SDC3: variants seen among roughly 807,000 people sequenced by gnomAD.
SDC3 encodes syndecan-3.
SDC3 carries 13 observed loss-of-function variants against 24.4 expected under a neutral mutation model. The observed-to-expected ratio is 0.53, with a 90% CI of 0.35 to 0.85. The LOEUF is 0.85. Among genes scored for constraint, SDC3 ranks in the 40% least tolerant of loss-of-function variants. SDC3 has a pLI of 0.01. For synonymous variants in SDC3, 295 were observed against 260.9 expected, an observed-to-expected ratio of 1.13 and a Z score of -1.26; for missense variants, 571 against 584.5, an observed-to-expected ratio of 0.98 and a Z score of 0.24.
chr1:30,893,310 C>G (rs1318302275), intron 1 of SDC3, among the ~76,000 whole-genome samples: 7 of 118,722 alleles, frequency 5.9e-5, no homozygotes, highest in Middle Eastern at 3.6e-3. Flanking sequence ...GGAGCCCCCC[C>G]CCCCCCCACC....
intron 1 of SDC3, among the ~76,000 whole-genome samples, chr1:30,888,853 G>A (rs372855881): frequency 6.6e-6 from 1 of 152,218 alleles, no homozygotes; most frequent in East Asian, 1.9e-4. Flanking sequence ...CCATCACCCA[G>A]ATGGGAAACT....
chr1:30,874,477 CTGGTTGT>C lies in SDC3; in HGVS notation c.975_981del (p.Gln326ThrfsTer7). ...ACAGCTACCACCTCATTGGCTGTGT[CTGGTTGT>C]GTGGTCTCTTCTTCTGGCAGCTCGA... On this transcript the variant is annotated frameshift_variant, in exon 4 of 5. Coordinates refer to ENST00000339394, the MANE Select transcript of SDC3 (RefSeq NM_014654.4). LOFTEE classifies it high-confidence loss of function. 1 of 1,614,164 alleles carries C rather than the reference CTGGTTGT, an allele frequency of 6.2e-7. No homozygotes were observed. The highest frequency in any genetic ancestry group is 8.5e-7 in the Non-Finnish European group (1 of 1,180,022).
At chr1:30,883,106 C>G (rs1313796200) in intron 1 of SDC3, among the ~76,000 whole-genome samples, 1 of 152,132 alleles carries the variant, frequency 6.6e-6, no homozygotes, top group Non-Finnish European at 1.5e-5. Context: ...ATGACTACAC[C>G]CAGGCAGATG....
At chr1:30,891,557 C>T (rs1193240493) in intron 1 of SDC3, among the ~76,000 whole-genome samples, 4 of 152,200 alleles carry the variant, frequency 2.6e-5, no homozygotes, top group Non-Finnish European at 2.9e-5. Context: ...GCTTTGCCTC[C>T]CAGACTCTGA....
At chr1:30,876,520 C>A in intron 3 of SDC3, 32 bp downstream of exon 3, 1 of 1,496,026 alleles carries the variant, frequency 6.7e-7, no homozygotes, top group South Asian at 1.4e-5. Context: ...CCCTCCTCCG[C>A]CCTCCTCCCT....
chr1:30,874,456 C>T lies in SDC3; in HGVS notation c.1003G>A (p.Ala335Thr), dbSNP rs1639596041. ...TQPDTANEVV[A>T]VGGAAAKASS... ...GCCTTGGCCGCAGCCCCTCCCACAG[C>T]TACCACCTCATTGGCTGTGTCTGGT... The change falls in exon 4 of 5, where the codon GCT becomes ACT. Residue 335 changes from alanine to threonine, a missense_variant. Around this residue, in one of 2 missense-constraint regions of SDC3, gnomAD observed 497 missense variants for 471.6 expected, o/e 1.05. Transcript: ENST00000339394. 1.9e-6 allele frequency: 3 copies of T among 1,614,108 alleles called. No individual in the cohort carries two copies. Among genetic ancestry groups the T allele is most frequent in the Non-Finnish European group, 2.5e-6 (3 of 1,180,034 alleles).
chr1:30,874,525 C>T lies in SDC3; in HGVS notation c.934G>A (p.Gly312Arg), dbSNP rs959864029. ...GGCAGCTCGAAGTCTCCACTGGGCC[C>T]CCCACTCACCGGAACCTCTGGCTCA... is the stretch of plus-strand genomic sequence containing the variant. ...RDEPEVPVSG[G>R]PSGDFELPEE... The change falls in exon 4 of 5, where the codon GGG becomes AGG. Residue 312 changes from glycine to arginine, a missense_variant. Around this residue, in one of 2 missense-constraint regions of SDC3, gnomAD observed 497 missense variants for 471.6 expected, o/e 1.05. Coordinates refer to ENST00000339394, the MANE Select transcript of SDC3 (RefSeq NM_014654.4). The T allele has an allele frequency of 1.3e-5, 21 of 1,614,020 alleles. No homozygotes were observed. The highest frequency in any genetic ancestry group is 3.4e-6 in the Non-Finnish European group (4 of 1,180,020).
rs1282993915 is a variant in SDC3 at position 30,873,240 on chromosome 1, G to C, written c.1300C>G (p.Pro434Ala). The C allele has an allele frequency of 6.2e-7, 1 of 1,613,790 alleles. No homozygotes were observed. The highest frequency in any genetic ancestry group is 2.2e-5 in the East Asian group (1 of 44,884). ...PKQASVTYQK[P>A]DKQEEFYA is the part of the protein sequence containing the mutation. ...GCATAGAACTCCTCCTGCTTGTCAGGCTTCTGGTATGTGACGCTCGCCTGC... is the reference window on the plus strand; with the variant it reads ...GCATAGAACTCCTCCTGCTTGTCAGCCTTCTGGTATGTGACGCTCGCCTGC... The change falls in exon 5 of 5, where the codon CCT (proline) becomes GCT (alanine). Residue 434 changes from proline (P) to alanine (A), a missense_variant. Physicochemically the swap from Pro to Ala is conservative, Grantham distance 27 (BLOSUM62 -1). Around this residue, in one of 2 missense-constraint regions of SDC3, gnomAD observed 74 missense variants for 112.9 expected, o/e 0.66. Coordinates refer to ENST00000339394, the MANE Select transcript of SDC3 (RefSeq NM_014654.4).
intron 1 of SDC3, among the ~76,000 whole-genome samples, chr1:30,887,494 G>C (rs989728611): frequency 2.0e-5 from 3 of 152,022 alleles, no homozygotes; most frequent in Non-Finnish European, 2.9e-5. Flanking sequence ...ACTGGGACAT[G>C]ACACTGTGTC....
intron 1 of SDC3, among the ~76,000 whole-genome samples, chr1:30,899,762 C>T (rs979686478): frequency 1.3e-5 from 2 of 152,184 alleles, no homozygotes; most frequent in South Asian, 2.1e-4. Flanking sequence ...ATTCCCCCCT[C>T]GAGACCTCAC....
At chr1:30,873,734 G>T (rs1639583411) in intron 4 of SDC3, among the ~76,000 whole-genome samples, 1 of 152,158 alleles carries the variant, frequency 6.6e-6, no homozygotes, top group Admixed American at 6.5e-5. Context: ...CCCAACTACA[G>T]AAGACTTAAC....
chr1:30,876,599 T>C lies in SDC3; in HGVS notation c.823A>G (p.Thr275Ala). 6.5e-7 allele frequency: 1 copy of C among 1,542,100 alleles called. No homozygotes were observed. The highest frequency in any genetic ancestry group is 8.7e-7 in the Non-Finnish European group (1 of 1,144,776). The change falls in exon 3 of 5, where the codon ACC becomes GCC. Residue 275 changes from threonine (T) to alanine (A), a missense_variant. Transcript: ENST00000339394. ...TQEPDIPERSTLPLGTTAPGP... is the reference protein window; with the variant it reads ...TQEPDIPERSALPLGTTAPGP... ...GGGGCAGTGGTCCCCAGGGGCAGGG[T>C]GCTCCTCTCAGGGATGTCAGGCTCC...
intron 1 of SDC3, among the ~76,000 whole-genome samples, chr1:30,887,219 G>A (rs1169251732): frequency 1.3e-5 from 2 of 151,956 alleles, no homozygotes; most frequent in African/African-American, 4.8e-5. Flanking sequence ...GTGCCTCTAG[G>A]AGTCTGTCTC....
chr1:30,893,799 G>C (rs1639942502), intron 1 of SDC3, among the ~76,000 whole-genome samples: 1 of 152,084 alleles, frequency 6.6e-6, no homozygotes, highest in Admixed American at 6.6e-5. Flanking sequence ...AATTTCCTCA[G>C]GGGCACAGCC....
chr1:30,876,502 C>G, intron 3 of SDC3, 50 bp downstream of exon 3: 1 of 1,439,902 alleles, frequency 6.9e-7, no homozygotes, highest in Non-Finnish European at 9.3e-7. Flanking sequence ...CATCCCTCCC[C>G]TGACCCACCC....
intron 1 of SDC3, among the ~76,000 whole-genome samples, chr1:30,900,458 G>A (rs907703860): frequency 2.0e-5 from 3 of 152,210 alleles, no homozygotes; most frequent in African/African-American, 7.2e-5. Flanking sequence ...CATTAAGCAA[G>A]GGGTGGATGA....
At chr1:30,885,288 A>C (rs1639811661) in intron 1 of SDC3, among the ~76,000 whole-genome samples, 1 of 151,784 alleles carries the variant, frequency 6.6e-6, no homozygotes, top group Non-Finnish European at 1.5e-5. Context: ...ATAGGTTACA[A>C]AAAATATGTA....
intron 1 of SDC3, among the ~76,000 whole-genome samples, chr1:30,889,087 G>A (rs1639870915): frequency 2.0e-5 from 3 of 152,196 alleles, no homozygotes; most frequent in African/African-American, 4.8e-5. Context: ...TCTGATGCTC[G>A]ACTATGTGGC....
In SDC3 at chr1:30,878,744, G is replaced by C; in HGVS notation, c.139-4C>G. ...TCTCACTGCGCCAGCGCTGGGCCTAGGGAAGGTAGAGGTGGACACAGGGCT... is the reference window on the plus strand; with the variant it reads ...TCTCACTGCGCCAGCGCTGGGCCTACGGAAGGTAGAGGTGGACACAGGGCT... On this transcript the variant is annotated splice_region_variant and splice_polypyrimidine_tract_variant and intron_variant, in intron 1 of 4. Coordinates refer to ENST00000339394, the MANE Select transcript of SDC3 (RefSeq NM_014654.4). 1 of 1,613,760 alleles carries C rather than the reference G, an allele frequency of 6.2e-7. No individual in the cohort carries two copies. The highest frequency in any genetic ancestry group is 1.1e-5 in the South Asian group (1 of 91,082).
Sources: gnomAD v4.1 joint callset for allele counts (sites outside exome capture counted in the v4.1 genomes callset) on GRCh38, gnomAD v4.1.1 for gene constraint, gnomAD v4.1.1 regional missense constraint, MANE v1.5 for transcripts, NCBI Gene and HGNC (gene_info 2026-07-23, HGNC 2026-07-21) for gene names.